The following PI4KA variants were observed in gnomAD, a reference collection of about 807,000 sequenced individuals.
PI4KA encodes phosphatidylinositol 4-kinase alpha.
Under a neutral mutation model 271.4 loss-of-function variants are expected in PI4KA, and 122 were observed. That is an observed-to-expected ratio of 0.45 (90% confidence interval 0.39 to 0.52). The LOEUF is 0.52. Ranked by LOEUF, PI4KA falls within the 20% of genes least tolerant of loss-of-function variation. The pLI is 0.00. For synonymous variants in PI4KA, 1,041 were observed against 1,078.8 expected (o/e 0.96, Z 0.69); for missense variants, 1,969 against 2,769.1 (o/e 0.71, Z 6.48).
chr22:20,837,301 C>G (rs1455442372), intron 2 of PI4KA, among the ~76,000 whole-genome samples: 1 of 152,184 alleles, frequency 6.6e-6, no homozygotes. Context: ...CCCTTGAGCC[C>G]AGGAGTTCAA....
intron 1 of PI4KA, among the ~76,000 whole-genome samples, chr22:20,853,734 G>T (rs773970375): frequency 6.6e-6 from 1 of 152,066 alleles, no homozygotes; most frequent in Non-Finnish European, 1.5e-5. Context: ...CTTTGGCTAT[G>T]GGAACATGGC....
At chr22:20,792,916 C>G (rs1278099782) in intron 19 of PI4KA, among the ~76,000 whole-genome samples, 2 of 152,180 alleles carry the variant, frequency 1.3e-5, no homozygotes, top group African/African-American at 4.8e-5. Flanking sequence ...GATTTAGGAC[C>G]TGGGAGCCAC....
chr22:20,856,374 G>C (rs1475974675), intron 1 of PI4KA, among the ~76,000 whole-genome samples: 6 of 152,040 alleles, frequency 3.9e-5, no homozygotes, highest in Admixed American at 3.3e-4. Context: ...CCTAAAGTAA[G>C]TGGCATTAGG....
rs1312829858 is a variant in PI4KA, at chr22:20,713,376, A to G, written c.5476T>C (p.Ser1826Pro). The G allele has an allele frequency of 6.3e-7, 1 of 1,579,240 alleles. No homozygotes were observed. Among genetic ancestry groups the G allele is most frequent in the East Asian group, 2.3e-5 (1 of 43,282 alleles). The stretch of plus-strand genomic sequence containing the variant: ...GTGCTGCACTCATCCTCGGAGTCTG[A>G]GCGGCACCGCAGACCTGCCCGCAGG... ...ELEKEGLRCR[S>P]DSEDECSTQE... Residue 1826 changes from serine (S) to proline (P), a missense_variant, in exon 48 of 55, where the codon TCA (serine) becomes CCA (proline). Transcript: ENST00000255882.
intron 23 of PI4KA, among the ~76,000 whole-genome samples, chr22:20,759,611 G>A (rs1489600884): frequency 6.6e-6 from 1 of 151,780 alleles, no homozygotes; most frequent in Non-Finnish European, 1.5e-5. Flanking sequence ...TGTCACCAAG[G>A]CTGGAGTACA....
At chr22:20,838,266 C>A (rs1601599810) in intron 2 of PI4KA, among the ~76,000 whole-genome samples, 7 of 152,138 alleles carry the variant, frequency 4.6e-5, no homozygotes, top group Admixed American at 3.9e-4. Context: ...CTGAGTCTGA[C>A]TGATAAGCAT....
At chr22:20,722,080 ACTT>A in intron 42 of PI4KA, 1 of 152,208 alleles carries the variant, frequency 6.6e-6, no homozygotes, top group South Asian at 2.1e-4. Flanking sequence ...AGACGGACCT[ACTT>A]CCCCTTCCAC....
intron 50 of PI4KA, 112 bp from the exon 51 acceptor site, chr22:20,711,573 C>T (rs1372964229): frequency 3.1e-5 from 37 of 1,195,712 alleles, no homozygotes; most frequent in Non-Finnish European, 4.2e-5. Context: ...CTCTGTACCC[C>T]CACTGTGGAA....
chr22:20,779,437 G>A, intron 19 of PI4KA: 1 of 1,614,190 alleles, frequency 6.2e-7, no homozygotes, highest in Non-Finnish European at 8.5e-7. Context: ...GATCCCCAGT[G>A]GGAGCAGTTA....
chr22:20,761,968 G>C (rs1932012610), intron 22 of PI4KA, among the ~76,000 whole-genome samples: 1 of 152,176 alleles, frequency 6.6e-6, no homozygotes, highest in African/African-American at 2.4e-5. Flanking sequence ...TAGAAATGAA[G>C]TATTCACGTC....
intron 12 of PI4KA, 28 bp downstream of exon 12, chr22:20,804,272 G>C (rs777420932): frequency 2.0e-6 from 3 of 1,488,814 alleles, no homozygotes; most frequent in Non-Finnish European, 2.8e-6. Flanking sequence ...GGTGGGATCT[G>C]AGCCTCTCTG....
intron 9 of PI4KA, among the ~76,000 whole-genome samples, chr22:20,810,701 G>A (rs1426673460): frequency 6.6e-6 from 1 of 152,056 alleles, no homozygotes; most frequent in Non-Finnish European, 1.5e-5. Flanking sequence ...ATGTGGGCAC[G>A]TTAGTGAGTT....
intron 9 of PI4KA, among the ~76,000 whole-genome samples, chr22:20,808,162 T>C (rs894757896): frequency 6.6e-6 from 1 of 151,556 alleles, no homozygotes; most frequent in Non-Finnish European, 1.5e-5. Context: ...TGGTGGTACA[T>C]GACTGTAATC....
chr22:20,770,593 C>G (rs1932831058), intron 19 of PI4KA, among the ~76,000 whole-genome samples: 1 of 139,234 alleles, frequency 7.2e-6, no homozygotes, highest in Admixed American at 7.2e-5. Flanking sequence ...CACACACACA[C>G]ACACACACAC....
At chr22:20,799,887 C>A in intron 14 of PI4KA, 121 bp from the exon 15 acceptor site, 2 of 619,458 alleles carry the variant, frequency 3.2e-6, no homozygotes. Flanking sequence ...TTTCTTCCCC[C>A]CAAATTGGAG....
chr22:20,810,536 C>T (rs1410460644), intron 9 of PI4KA, among the ~76,000 whole-genome samples: 3 of 151,586 alleles, frequency 2.0e-5, no homozygotes, highest in Non-Finnish European at 4.4e-5. Flanking sequence ...TCCCTAGTTA[C>T]GCACCCCTTA....
chr22:20,768,423 T>C (rs745882528), intron 19 of PI4KA, among the ~76,000 whole-genome samples: 1 of 152,000 alleles, frequency 6.6e-6, no homozygotes, highest in Admixed American at 6.6e-5. Flanking sequence ...ACTCACAATA[T>C]GTCAAGAGAA....
At chr22:20,800,253 T>C (rs1009746767) in intron 14 of PI4KA, among the ~76,000 whole-genome samples, 4 of 152,168 alleles carry the variant, frequency 2.6e-5, no homozygotes, top group African/African-American at 7.2e-5. Context: ...GGGCCAGAGT[T>C]TGGAAAACAG....
chr22:20,799,520 T>C (rs1015769350), intron 15 of PI4KA, 151 bp downstream of exon 15: 3 of 719,240 alleles, frequency 4.2e-6, no homozygotes, highest in African/African-American at 3.6e-5. Context: ...AAGGTGGGCT[T>C]CACCTTAAAT....
Sources: allele counts gnomAD v4.1 joint callset (sites outside exome capture counted in the v4.1 genomes callset), GRCh38; gene constraint gnomAD v4.1.1; transcripts MANE v1.5; gene names NCBI Gene and HGNC (gene_info 2026-07-23, HGNC 2026-07-21).